Variants in NAA20 observed in about 807,000 individuals in gnomAD.
NAA20 encodes the protein N-alpha-acetyltransferase 20, NatB catalytic subunit.
NAA20 carries 24 observed loss-of-function variants against 23.8 expected under a neutral mutation model. The ratio of observed to expected loss-of-function variants is 1.01; its 90% confidence interval spans 0.73 to 1.42. The LOEUF (loss-of-function observed/expected upper bound fraction) is 1.42. NAA20 is among the 40% of genes most tolerant of loss of function. NAA20 has a pLI of 0.00. For synonymous variants in NAA20, 83 were observed against 77.7 expected, an observed-to-expected ratio of 1.07 and a Z score of -0.36; for missense variants, 166 against 223.1, an observed-to-expected ratio of 0.74 and a Z score of 1.63.
intron 2 of NAA20, among the ~76,000 whole-genome samples, chr20:20,022,831 C>G (rs780914177): frequency 6.6e-6 from 1 of 152,194 alleles, no homozygotes; most frequent in African/African-American, 2.4e-5. Context: ...GATAAGCAGT[C>G]CCAGGCAGGT....
intron 3 of NAA20, 145 bp downstream of exon 3, chr20:20,025,912 T>C: frequency 1.5e-6 from 1 of 674,856 alleles, no homozygotes; most frequent in South Asian, 1.8e-5. Flanking sequence ...TACTGATCTC[T>C]GTTTTGGGCA....
intron 3 of NAA20, among the ~76,000 whole-genome samples, chr20:20,026,208 G>A (rs1396927794): frequency 6.6e-6 from 1 of 152,056 alleles, no homozygotes; most frequent in African/African-American, 2.4e-5. Context: ...AGGAAGCTGA[G>A]GCGGGAGAAT....
rs758887892 is a variant in NAA20, at chr20:20,022,436, A to G, written c.54-20A>G. The G allele has an allele frequency of 1.9e-6, 3 of 1,587,382 alleles. No individual in the cohort carries two copies. Among genetic ancestry groups the G allele is most frequent in the South Asian group, 2.3e-5 (2 of 86,004 alleles). ...ATTGTAAACGCTGCTTACTAGAGACATTTCTCTTGTTTCTTTCAGTAACTT... is the reference window on the plus strand; with the variant it reads ...ATTGTAAACGCTGCTTACTAGAGACGTTTCTCTTGTTTCTTTCAGTAACTT... On this transcript the variant is annotated intron_variant, in intron 1 of 5. Transcript: ENST00000334982.
rs1390212289 is a variant in NAA20, at chr20:20,032,899, G to A, written c.452-203G>A. On this transcript the variant is annotated intron_variant, in intron 5 of 5. Coordinates refer to ENST00000334982, the MANE Select transcript of NAA20 (RefSeq NM_016100.5). ...CATATTATTTTGCTAACAAGAAAAC[G>A]TGTATTGTGAGCTGAATACTGGGTG... Among the ~76,000 whole-genome samples, 5 of 152,048 alleles carry A rather than the reference G, an allele frequency of 3.3e-5. No individual in the cohort carries two copies. In the South Asian group the frequency reaches 6.2e-4, roughly 19 times the overall value.
intron 1 of NAA20, chr20:20,017,877 C>T (rs927080485): frequency 1.9e-6 from 3 of 1,582,114 alleles, no homozygotes; most frequent in African/African-American, 1.3e-5. Context: ...CAGAGGGCAC[C>T]GCCGACGGCC....
At chr20:20,017,342 C>CG, upstream of NAA20, 1 of 1,605,090 alleles carries the variant, frequency 6.2e-7, no homozygotes, top group Non-Finnish European at 8.5e-7. Context: ...GGGAGACTTC[C>CG]GGCAGGGCGG....
chr20:20,017,736 C>A (rs895446539), intron 1 of NAA20: 5 of 1,431,674 alleles, frequency 3.5e-6, no homozygotes, highest in Non-Finnish European at 4.6e-6. Context: ...CTCGGGCCTC[C>A]GCTCGTGGTC....
At position 20,017,434 on chromosome 20, in the gene NAA20, T is replaced by A. The variant is rs768988399; in HGVS notation, c.38T>A (p.Phe13Tyr). The A allele has an allele frequency of 6.2e-7, 1 of 1,611,728 alleles. No homozygotes were observed. Among genetic ancestry groups the A allele is most frequent in the Non-Finnish European group, 8.5e-7 (1 of 1,179,348 alleles). ...CGGGCCTTTACCTGCGACGACCTGT[T>A]CCGCTTCAACAACATGTGAGTGACA... ...TLRAFTCDDL[F>Y]RFNNINLDPL... Residue 13 changes from phenylalanine (F) to tyrosine (Y), a missense_variant, in exon 1 of 6, where the codon TTC becomes TAC. Phe to Tyr is a conservative substitution (Grantham distance 22, BLOSUM62 3). Transcript: ENST00000334982.
At chr20:20,032,430 T>C in intron 4 of NAA20, 78 bp from the exon 5 acceptor site, 3 of 1,460,292 alleles carry the variant, frequency 2.1e-6, no homozygotes, top group Non-Finnish European at 2.8e-6. Context: ...AAAAACACGT[T>C]TTAAAAAAAA....
chr20:20,025,796 G>T, intron 3 of NAA20, 29 bp downstream of exon 3: 1 of 1,410,390 alleles, frequency 7.1e-7, no homozygotes, highest in Non-Finnish European at 1.0e-6. Context: ...GTATTTTGTG[G>T]AGTAGGTAAA....
At chr20:20,033,056 A>C (rs777915979) in intron 5 of NAA20, 46 bp from the exon 6 acceptor site, 1 of 1,406,048 alleles carries the variant, frequency 7.1e-7, no homozygotes, top group Admixed American at 1.7e-5. Context: ...TACATTTGAT[A>C]TAATACATTT....
intron 2 of NAA20, 103 bp downstream of exon 2, chr20:20,022,583 T>G: frequency 9.8e-7 from 1 of 1,024,544 alleles, no homozygotes; most frequent in Non-Finnish European, 1.4e-6. Context: ...GTTTAAAAAC[T>G]TGTAGGTCAG....
intron 4 of NAA20, among the ~76,000 whole-genome samples, chr20:20,027,960 C>G (rs1207531904): frequency 4.6e-5 from 7 of 152,072 alleles, no homozygotes; most frequent in African/African-American, 1.7e-4. Context: ...AGAATAGTTG[C>G]TGAGAAGGGT....
intron 4 of NAA20, among the ~76,000 whole-genome samples, chr20:20,029,069 C>T (rs1293024228): frequency 5.3e-5 from 8 of 152,088 alleles, no homozygotes; most frequent in African/African-American, 9.7e-5. Context: ...GCTGGGATTA[C>T]AGGCGCCCAC....
intron 4 of NAA20, among the ~76,000 whole-genome samples, chr20:20,030,270 A>C (rs2043334028): frequency 6.6e-6 from 1 of 152,216 alleles, no homozygotes; most frequent in Non-Finnish European, 1.5e-5. Context: ...CATAAATAGG[A>C]TGACACATCA....
In NAA20 at chr20:20,017,762, T is replaced by C. The variant is rs1215676510; in HGVS notation, c.53+313T>C. ...GCTCGTGGTCGCTGTCAGGAGGCGC[T>C]GGGGTGATGGGGCGAGCTGGAGACG... On this transcript the variant is annotated intron_variant, in intron 1 of 5. Transcript: ENST00000334982. 20 of 1,435,544 alleles carry C rather than the reference T, an allele frequency of 1.4e-5. No individual in the cohort carries two copies. The East Asian group carries it at 5.0e-4, about 36-fold the overall frequency. 88.9% of individuals were successfully genotyped at this position (1,435,544 alleles called of 1,614,324 possible).
In NAA20 at chr20:20,022,486, C is replaced by CT; in HGVS notation, c.78+12dup. 2 of 1,556,778 alleles carry CT rather than the reference C, an allele frequency of 1.3e-6. No homozygotes were observed. Among genetic ancestry groups the CT allele is most frequent in the Non-Finnish European group, 8.6e-7 (1 of 1,156,484 alleles). ...TGGATCCACTTACAGAAACTGTATCCTTTTTTACAAAAAAAAAAAAGTTGA... is the reference window on the plus strand; with the variant it reads ...TGGATCCACTTACAGAAACTGTATCCTTTTTTTACAAAAAAAAAAAAGTTGA... On this transcript the variant is annotated splice_region_variant and intron_variant, in intron 2 of 5. Transcript: ENST00000334982.
intron 1 of NAA20, 143 bp from the exon 2 acceptor site, chr20:20,022,313 C>A: frequency 1.5e-6 from 1 of 683,276 alleles, no homozygotes; most frequent in Non-Finnish European, 2.4e-6. Context: ...AATCATCTGC[C>A]TCAGCCCTAA....
At chr20:20,026,399 A>G (rs950102389) in intron 3 of NAA20, among the ~76,000 whole-genome samples, 5 of 152,170 alleles carry the variant, frequency 3.3e-5, no homozygotes, top group Non-Finnish European at 7.3e-5. Context: ...TCCTCATTGA[A>G]TTAGCATTAC....
Sources: allele counts gnomAD v4.1 joint callset (sites outside exome capture counted in the v4.1 genomes callset), GRCh38; gene constraint gnomAD v4.1.1; transcripts MANE v1.5; gene names NCBI Gene and HGNC (gene_info 2026-07-23, HGNC 2026-07-21).